SGMS2: variants seen among roughly 807,000 people sequenced by gnomAD.
SGMS2 encodes sphingomyelin synthase 2, also known as phosphatidylcholine:ceramide cholinephosphotransferase 2.
A neutral mutation model predicts 43.8 loss-of-function variants in SGMS2; 21 were observed. The observed-to-expected ratio is 0.48, with a 90% confidence interval of 0.34 to 0.69. SGMS2 has a LOEUF of 0.69. SGMS2 is among the 30% of genes least tolerant of loss of function. The pLI is 0.01. For missense variants in SGMS2, 384 were observed against 443.2 expected, an observed-to-expected ratio of 0.87 and a Z score of 1.20; for synonymous variants, 167 against 160.6, an observed-to-expected ratio of 1.04 and a Z score of -0.30.
chr4:107,868,459 G>A (rs1428347197), intron 2 of SGMS2, among the ~76,000 whole-genome samples: 1 of 152,202 alleles, frequency 6.6e-6, no homozygotes, highest in Non-Finnish European at 1.5e-5. Flanking sequence ...GCTCTCGCCT[G>A]TAATCCCAGC....
intron 2 of SGMS2, among the ~76,000 whole-genome samples, chr4:107,862,093 C>G (rs910082902): frequency 6.6e-6 from 1 of 152,150 alleles, no homozygotes; most frequent in African/African-American, 2.4e-5. Flanking sequence ...GTGGGGGCGG[C>G]TTTTCTAAAA....
chr4:107,879,546 C>G (rs1039193315), intron 2 of SGMS2, among the ~76,000 whole-genome samples: 1 of 151,978 alleles, frequency 6.6e-6, no homozygotes, highest in Admixed American at 6.5e-5. Flanking sequence ...ACTGCAACCT[C>G]TGCCTCCCAG....
chr4:107,895,465 T>C lies in SGMS2; in HGVS notation c.-89T>C. ...AGTCCATTGTAAGAGTCCATGTTGA[T>C]CTTGGAAATAGAAGGATTGAAAAAA... is the stretch of plus-strand genomic sequence containing the variant. On this transcript the variant is annotated 5_prime_UTR_variant, in exon 3 of 7. Coordinates refer to ENST00000690982, the MANE Select transcript of SGMS2 (RefSeq NM_001375905.1). 2.3e-6 allele frequency: 3 copies of C among 1,313,804 alleles called. No homozygotes were observed. The highest frequency in any genetic ancestry group is 2.9e-5 in the South Asian group (2 of 69,312). 81.4% of individuals were successfully genotyped at this position (1,313,804 alleles called of 1,614,324 possible). A position where few individuals can be genotyped will look rare whatever the true frequency, so the allele number is the denominator to read the frequency against.
At chr4:107,892,350 C>T (rs1268286843) in intron 2 of SGMS2, among the ~76,000 whole-genome samples, 1 of 151,704 alleles carries the variant, frequency 6.6e-6, no homozygotes, top group Non-Finnish European at 1.5e-5. Flanking sequence ...AGCAAATTGT[C>T]CTATTGGTTT....
chr4:107,840,020 G>A (rs1003299006), intron 1 of SGMS2, among the ~76,000 whole-genome samples: 2 of 152,100 alleles, frequency 1.3e-5, no homozygotes, highest in African/African-American at 4.8e-5. Context: ...GCCAGGTTTG[G>A]ATGTTAAATT....
intron 1 of SGMS2, among the ~76,000 whole-genome samples, chr4:107,847,942 A>T (rs902447726): frequency 2.0e-5 from 3 of 152,178 alleles, no homozygotes; most frequent in Non-Finnish European, 4.4e-5. Context: ...ACCAAAGTCC[A>T]TAGTTTAGAG....
chr4:107,902,164 T>C (rs6826111), intron 4 of SGMS2, among the ~76,000 whole-genome samples: 8,583 of 151,454 alleles, frequency 0.057, 299 homozygotes, highest in African/African-American at 0.1. Context: ...GATACTTACC[T>C]TCTTAATGGA....
chr4:107,844,841 A>G (rs1037012774), intron 1 of SGMS2, among the ~76,000 whole-genome samples: 2 of 152,256 alleles, frequency 1.3e-5, no homozygotes, highest in African/African-American at 4.8e-5. Flanking sequence ...TTAACCAGGT[A>G]TAGTCAAATA....
intron 2 of SGMS2, among the ~76,000 whole-genome samples, chr4:107,888,300 T>C (rs1338216458): frequency 6.6e-6 from 1 of 152,096 alleles, no homozygotes. Context: ...TAAAAGCACA[T>C]ACAAAGAGAT....
At chr4:107,882,085 C>A (rs1336747707) in intron 2 of SGMS2, among the ~76,000 whole-genome samples, 1 of 152,120 alleles carries the variant, frequency 6.6e-6, no homozygotes, top group Non-Finnish European at 1.5e-5. Flanking sequence ...GTGCAGATAT[C>A]TCTTTGATAT....
Position 107,860,954 on chromosome 4 carries a change from A to G in SGMS2, c.-245+2401A>G, listed in dbSNP as rs895144090. Among the ~76,000 whole-genome samples the G allele has an allele frequency of 5.3e-5, 8 of 152,210 alleles. 1 individual carries two copies. Among genetic ancestry groups the G allele is most frequent in the Admixed American group, 5.2e-4 (8 of 15,278 alleles). ...GCGTGCCTTGGCAATGTGTTCTTAT[A>G]GCATCCTGAACTTTCAATTATCTAA... On this transcript the variant is annotated intron_variant, in intron 2 of 6. Transcript: ENST00000690982.
chr4:107,880,066 A>G lies in SGMS2; in HGVS notation c.-244-15244A>G, dbSNP rs577604119. On this transcript the variant is annotated intron_variant, in intron 2 of 6. Coordinates refer to ENST00000690982, the MANE Select transcript of SGMS2 (RefSeq NM_001375905.1). ...AATCTGCCTTAATATGGGATGGAAA[A>G]TAAGTACCAGAAATCAAAATATCTG... Among the ~76,000 whole-genome samples, 31 of 152,328 alleles carry G rather than the reference A, an allele frequency of 2.0e-4. No individual in the cohort carries two copies. In the South Asian group the frequency reaches 6.2e-3, roughly 31 times the overall value.
rs34834888 is a variant in SGMS2, at chr4:107,892,110, G to GAA, written c.-244-3186_-244-3185dup. On this transcript the variant is annotated intron_variant, in intron 2 of 6. Transcript: ENST00000690982. ...CTATCTCCTGTGTCACTAGGAGCAG[G>GAA]AAAAAAAAAAAAAAACCTCATCTTC... Among the ~76,000 whole-genome samples the GAA allele has an allele frequency of 9.5e-5, 13 of 136,260 alleles. No homozygotes were observed. In the East Asian group the frequency reaches 2.1e-3, roughly 22 times the overall value. The allele number at this position is 136,260 out of a possible 152,430, so 89.4% of individuals were successfully genotyped here. A position where few individuals can be genotyped will look rare whatever the true frequency, so the allele number is the denominator to read the frequency against.
At chr4:107,839,134 C>T (rs562585684) in intron 1 of SGMS2, among the ~76,000 whole-genome samples, 2 of 152,246 alleles carry the variant, frequency 1.3e-5, no homozygotes, top group South Asian at 4.1e-4. Flanking sequence ...TCAGAAACTC[C>T]ATCTTTCCCC....
At chr4:107,855,095 G>A (rs1043817420) in intron 1 of SGMS2, among the ~76,000 whole-genome samples, 2 of 152,164 alleles carry the variant, frequency 1.3e-5, no homozygotes, top group East Asian at 3.9e-4. Flanking sequence ...TAACTAGTAT[G>A]CTCTATTTTA....
At chr4:107,852,071 A>ATT (rs200520406) in intron 1 of SGMS2, among the ~76,000 whole-genome samples, 11 of 143,868 alleles carry the variant, frequency 7.6e-5, no homozygotes, top group East Asian at 2.0e-4. Flanking sequence ...TGTCATAATA[A>ATT]TTTTTTTTTT....
Position 107,896,016 on chromosome 4 carries a change from A to T in SGMS2, c.455+8A>T. ...GCTGTTTCTGAGATACAAGTAAGTA[A>T]ATCTAATGTTTTGAGGATTTGTCAT... On this transcript the variant is annotated splice_region_variant and intron_variant, in intron 3 of 6. Coordinates refer to ENST00000690982, the MANE Select transcript of SGMS2 (RefSeq NM_001375905.1). The T allele has an allele frequency of 6.2e-7, 1 of 1,602,016 alleles. No homozygotes were observed. Among genetic ancestry groups the T allele is most frequent in the South Asian group, 1.1e-5 (1 of 90,178 alleles).
At chr4:107,855,034 A>G (rs1213718553) in intron 1 of SGMS2, among the ~76,000 whole-genome samples, 1 of 152,096 alleles carries the variant, frequency 6.6e-6, no homozygotes, top group African/African-American at 2.4e-5. Context: ...TCTATCTACA[A>G]AGGAGTTGAG....
At chr4:107,864,623 CAAAT>C (rs556923102) in intron 2 of SGMS2, among the ~76,000 whole-genome samples, 18 of 152,222 alleles carry the variant, frequency 1.2e-4, no homozygotes, top group Admixed American at 8.5e-4. Flanking sequence ...TTTTAATTGA[CAAAT>C]AAAAATTGTA....
Sources: gnomAD v4.1 joint callset for allele counts (sites outside exome capture counted in the v4.1 genomes callset) on GRCh38, gnomAD v4.1.1 for gene constraint, MANE v1.5 for transcripts, NCBI Gene and HGNC (gene_info 2026-07-23, HGNC 2026-07-21) for gene names.